Variants in KCNAB2 observed in about 807,000 individuals in gnomAD.
KCNAB2 encodes potassium voltage-gated channel subfamily A regulatory beta subunit 2, also known as voltage-gated potassium channel subunit beta-2.
KCNAB2 carries 29 observed loss-of-function variants against 63.6 expected under a neutral mutation model. The ratio of observed to expected loss-of-function variants is 0.46; its 90% CI spans 0.34 to 0.62. The LOEUF (loss-of-function observed/expected upper bound fraction) is 0.62, where lower values mean the gene tolerates loss of function less well. KCNAB2 is among the 20% of genes least tolerant of loss of function. The probability of loss-of-function intolerance (pLI) is 0.01; values close to 1 mark genes in which losing one functional copy is unlikely to be tolerated. For synonymous variants in KCNAB2, 222 were observed against 224.2 expected, an observed-to-expected ratio of 0.99 and a Z score of 0.09; for missense variants, 359 against 563.9, an observed-to-expected ratio of 0.64 and a Z score of 3.68.
At chr1:6,090,637 C>T (rs1417325920) in intron 9 of KCNAB2, among the ~76,000 whole-genome samples, 162 bp downstream of exon 9, 1 of 152,136 alleles carries the variant, frequency 6.6e-6, no homozygotes, top group Non-Finnish European at 1.5e-5. Flanking sequence ...GGCCTCCCCT[C>T]AGTAGGGGGT....
intron 1 of KCNAB2, chr1:6,007,469 C>T (rs1657873437): frequency 6.6e-6 from 1 of 152,328 alleles, no homozygotes; most frequent in African/African-American, 2.4e-5. Context: ...GAGCCAGAGC[C>T]GGAGGCAGAG....
intron 2 of KCNAB2, among the ~76,000 whole-genome samples, chr1:6,060,325 TGGA>T (rs2100586007): frequency 6.6e-6 from 1 of 152,356 alleles, no homozygotes; most frequent in South Asian, 2.1e-4. Flanking sequence ...ATGCCCCAGC[TGGA>T]GGAAGCCACA....
chr1:6,091,620 C>G (rs1665195962), intron 10 of KCNAB2, among the ~76,000 whole-genome samples: 1 of 152,096 alleles, frequency 6.6e-6, no homozygotes, highest in Non-Finnish European at 1.5e-5. Flanking sequence ...TGATCCCCAC[C>G]TGGAGCCTTG....
In KCNAB2 at chr1:6,087,786, T is replaced by C. The variant is rs1342661475; in HGVS notation, c.470+275T>C. ...ATCCAGAAAAGAAGCTGTGGCCGAG[T>C]TTGCCTTTTACAAAAACCTCGCTTA... On this transcript the variant is annotated intron_variant, in intron 7 of 15. Coordinates refer to ENST00000378083, the MANE Select transcript of KCNAB2 (RefSeq NM_001199862.2). The surrounding 1 kb of genome is among the most constrained non-coding windows in gnomAD (Gnocchi z 6.4). Among the ~76,000 whole-genome samples the C allele has an allele frequency of 6.6e-6, 1 of 152,212 alleles. No individual in the cohort carries two copies. The highest frequency in any genetic ancestry group is 1.9e-4 in the East Asian group (1 of 5,188).
Position 6,087,610 on chromosome 1 carries a change from G to A in KCNAB2, c.470+99G>A. On this transcript the variant is annotated intron_variant, in intron 7 of 15. Coordinates refer to ENST00000378083, the MANE Select transcript of KCNAB2 (RefSeq NM_001199862.2). This position sits in a 1 kb window ranked among gnomAD's most constrained non-coding sequence, Gnocchi z 6.4. ...ACCTAGAAGGCTCCTGGGGTGGCGG[G>A]AGGACAGTCCTCCTTGAGAAGGGAG... The A allele has an allele frequency of 2.3e-6, 3 of 1,287,448 alleles. No individual in the cohort carries two copies. In the East Asian group the frequency reaches 7.1e-5, roughly 30 times the overall value. 79.8% of individuals were successfully genotyped at this position (1,287,448 alleles called of 1,614,324 possible). A position where few individuals can be genotyped will look rare whatever the true frequency, so the allele number is the denominator to read the frequency against.
chr1:6,004,577 AC>A (rs995272862), intron 1 of KCNAB2, among the ~76,000 whole-genome samples: 1 of 141,132 alleles, frequency 7.1e-6, no homozygotes, highest in Non-Finnish European at 1.6e-5. Flanking sequence ...TTGTAGAAAC[AC>A]CCCCCCGAGA....
At chr1:6,072,300 C>T (rs571809202) in intron 2 of KCNAB2, among the ~76,000 whole-genome samples, 107 of 152,250 alleles carry the variant, frequency 7.0e-4, no homozygotes, top group African/African-American at 2.5e-3. Flanking sequence ...GCCATGTGGT[C>T]CAGTGAAGTG....
chr1:6,083,858 A>T (rs1664424803), intron 5 of KCNAB2, among the ~76,000 whole-genome samples: 1 of 152,188 alleles, frequency 6.6e-6, no homozygotes, highest in Non-Finnish European at 1.5e-5. Context: ...CCGCGAACAG[A>T]TGTGAGTCCT....
At chr1:6,033,005 G>A (rs1659742550), upstream of KCNAB2, among the ~76,000 whole-genome samples, 1 of 152,230 alleles carries the variant, frequency 6.6e-6, no homozygotes, top group Non-Finnish European at 1.5e-5. Context: ...TTGTAAAGCT[G>A]TAGGAGTTAT....
chr1:6,036,600 G>A (rs900891972), intron 1 of KCNAB2, among the ~76,000 whole-genome samples: 1 of 152,232 alleles, frequency 6.6e-6, no homozygotes, highest in Non-Finnish European at 1.5e-5. Context: ...GAAGAAGGAG[G>A]AATGGGCTTG....
intron 1 of KCNAB2, among the ~76,000 whole-genome samples, chr1:6,020,100 A>G (rs1392337972): frequency 6.6e-6 from 1 of 152,156 alleles, no homozygotes; most frequent in Non-Finnish European, 1.5e-5. Flanking sequence ...CCGTCTCTGC[A>G]TGCTCGGAGG....
chr1:6,087,310 A>G lies in KCNAB2; in HGVS notation c.426-157A>G, dbSNP rs529211614. Among the ~76,000 whole-genome samples the G allele has an allele frequency of 6.6e-6, 1 of 152,238 alleles. No individual in the cohort carries two copies. The highest frequency in any genetic ancestry group is 2.1e-4 in the South Asian group (1 of 4,820). The stretch of plus-strand genomic sequence containing the variant: ...CACGCACCCCGGCTGGGCACGTGGT[A>G]CACATCATATGATGGAGAAGTGCCC... On this transcript the variant is annotated intron_variant, in intron 6 of 15. Coordinates refer to ENST00000378083, the MANE Select transcript of KCNAB2 (RefSeq NM_001199862.2). The surrounding 1 kb of genome is among the most constrained non-coding windows in gnomAD (Gnocchi z 6.4).
upstream of KCNAB2, chr1:6,041,943 T>TGCTCGGCAAGGG: frequency 2.9e-6 from 4 of 1,387,992 alleles, no homozygotes; most frequent in Non-Finnish European, 4.1e-6. Context: ...GACTGCACCC[T>TGCTCGGCAAGGG]TGCCGAGCAG....
intron 10 of KCNAB2, among the ~76,000 whole-genome samples, chr1:6,093,078 G>T (rs536735810): frequency 1.3e-5 from 2 of 152,198 alleles, no homozygotes; most frequent in Non-Finnish European, 2.9e-5. Context: ...TGCCATTCCA[G>T]GGGGGAGCCT....
Position 6,073,699 on chromosome 1 carries a change from G to A in KCNAB2, c.263-34G>A, listed in dbSNP as rs1175341459. 6.2e-7 allele frequency: 1 copy of A among 1,612,734 alleles called. No homozygotes were observed. The highest frequency in any genetic ancestry group is 8.5e-7 in the Non-Finnish European group (1 of 1,178,808). ...GACGGGATAATCTGGCTTCCTGCCA[G>A]GTTCCTAACTTGAGCCCCTGTGTCT... On this transcript the variant is annotated intron_variant, in intron 3 of 15. Coordinates refer to ENST00000378083, the MANE Select transcript of KCNAB2 (RefSeq NM_001199862.2). This position sits in a 1 kb window ranked among gnomAD's most constrained non-coding sequence, Gnocchi z 5.7.
chr1:6,041,564 C>T, upstream of KCNAB2: 5 of 512,498 alleles, frequency 9.8e-6, 1 homozygote, highest in South Asian at 1.2e-4. Context: ...CCACGGAAAA[C>T]AGGGCCTGGC....
intron 1 of KCNAB2, among the ~76,000 whole-genome samples, chr1:6,047,735 G>A (rs1354498558): frequency 2.0e-5 from 3 of 152,210 alleles, no homozygotes; most frequent in Admixed American, 2.0e-4. Context: ...GGGGGCAGTG[G>A]CAGCAGGCAG....
chr1:6,014,776 G>A lies in KCNAB2; in HGVS notation c.-53+21988G>A, dbSNP rs147606337. Reference sequence around the variant, plus strand: ...ATCCTCTCCTCCTCCCGTCACCCTCGCCAGGCAGTGAGGTCAGAGGCTAGG... The same window carrying A: ...ATCCTCTCCTCCTCCCGTCACCCTCACCAGGCAGTGAGGTCAGAGGCTAGG... On this transcript the variant is annotated intron_variant, in intron 1 of 16. Coordinates refer to the KCNAB2 transcript ENST00000341524. 5.3e-3 allele frequency among the ~76,000 whole-genome samples: 806 copies of A among 152,288 alleles called. 6 individuals carry two copies. Among genetic ancestry groups the A allele is most frequent in the African/African-American group, 0.018 (730 of 41,560 alleles).
At chr1:6,054,813 C>G (rs1661673438) in intron 2 of KCNAB2, among the ~76,000 whole-genome samples, 1 of 152,146 alleles carries the variant, frequency 6.6e-6, no homozygotes. Context: ...GAAGACTTGG[C>G]CCACAGCCAG....
Sources: allele counts gnomAD v4.1 joint callset (sites outside exome capture counted in the v4.1 genomes callset), GRCh38; gene constraint gnomAD v4.1.1; non-coding constraint Gnocchi (gnomAD v3.1); transcripts MANE v1.5; gene names NCBI Gene and HGNC (gene_info 2026-07-23, HGNC 2026-07-21).